PDS5A: variants seen among roughly 807,000 people sequenced by gnomAD.
PDS5A encodes the protein sister chromatid cohesion protein PDS5 homolog A.
In PDS5A, 42 loss-of-function variants were observed where a neutral mutation model predicts 167.1. The ratio of observed to expected loss-of-function variants is 0.25; its 90% CI spans 0.20 to 0.33. The LOEUF is 0.33. Ranked by LOEUF, PDS5A falls within the 10% of genes least tolerant of loss-of-function variation. PDS5A has a pLI of 1.00. For missense variants in PDS5A, 1,033 were observed against 1,605.9 expected (o/e 0.64, Z 6.10); for synonymous variants, 553 against 554.6 (o/e 1.00, Z 0.04).
intron 14 of PDS5A, 97 bp from the exon 15 acceptor site, chr4:39,898,922 C>T (rs1054750678): frequency 2.9e-5 from 22 of 763,670 alleles, no homozygotes; most frequent in African/African-American, 5.3e-5. Flanking sequence ...TTTTTCATGA[C>T]GTTAAAAAAT....
chr4:39,903,948 T>C (rs1433389324), intron 12 of PDS5A, 92 bp downstream of exon 12: 6 of 640,546 alleles, frequency 9.4e-6, no homozygotes, highest in Non-Finnish European at 1.4e-5. Flanking sequence ...AGTAAATACA[T>C]AAAAATAAGA....
In PDS5A at chr4:39,930,983, A is replaced by G. The variant is rs553327130; in HGVS notation, c.139-2819T>C. On this transcript the variant is annotated intron_variant, in intron 2 of 32. Coordinates refer to ENST00000303538, the MANE Select transcript of PDS5A (RefSeq NM_001100399.2). ...CCATCTTGAGAAATTAGATAAATCC[A>G]AAGAAACTAGAATCAGGGTTTGTGA... is the stretch of plus-strand genomic sequence containing the variant. Among the ~76,000 whole-genome samples the G allele has an allele frequency of 1.8e-4, 27 of 152,344 alleles. No homozygotes were observed. In the East Asian group the frequency reaches 4.4e-3, roughly 25 times the overall value.
At chr4:39,964,736 C>T (rs1293038166) in intron 2 of PDS5A, among the ~76,000 whole-genome samples, 1 of 151,342 alleles carries the variant, frequency 6.6e-6, no homozygotes, top group Non-Finnish European at 1.5e-5. Context: ...GTGGCTCACA[C>T]CTATAATCCC....
chr4:39,879,870 T>A, intron 17 of PDS5A, 37 bp from the exon 18 acceptor site: 2 of 1,091,240 alleles, frequency 1.8e-6, no homozygotes, highest in Non-Finnish European at 2.8e-6. Context: ...GTAACCACTG[T>A]AGTAGTAACT....
At chr4:39,878,352 T>G (rs1056920836) in intron 18 of PDS5A, among the ~76,000 whole-genome samples, 1 of 152,040 alleles carries the variant, frequency 6.6e-6, no homozygotes, top group Non-Finnish European at 1.5e-5. Context: ...TCCCAGCACT[T>G]TGGGAGGCCG....
chr4:39,953,134 CTGGTTTAGAGGTCTTGGTTTCT>C (rs1252816607), intron 2 of PDS5A, among the ~76,000 whole-genome samples: 1 of 152,162 alleles, frequency 6.6e-6, no homozygotes, highest in Non-Finnish European at 1.5e-5. Flanking sequence ...GCTTGGTCAG[CTGGTTTAGAGGTCTTGGTTTCT>C]TGGTTTAGAG....
At chr4:39,920,208 G>A in intron 7 of PDS5A, 111 bp downstream of exon 7, 1 of 484,438 alleles carries the variant, frequency 2.1e-6, no homozygotes, top group Non-Finnish European at 3.7e-6. Flanking sequence ...CTGGACATAA[G>A]TTATTTTATA....
At chr4:39,953,402 C>T (rs1449105037) in intron 2 of PDS5A, among the ~76,000 whole-genome samples, 1 of 151,480 alleles carries the variant, frequency 6.6e-6, no homozygotes, top group African/African-American at 2.4e-5. Flanking sequence ...GTTTTTCAAA[C>T]CATCAATGGT....
chr4:39,971,980 G>A (rs1225472401), intron 2 of PDS5A, among the ~76,000 whole-genome samples: 1 of 152,186 alleles, frequency 6.6e-6, no homozygotes, highest in Non-Finnish European at 1.5e-5. Context: ...AAGGAAGGCA[G>A]AAGAAATACA....
intron 12 of PDS5A, among the ~76,000 whole-genome samples, chr4:39,903,124 C>T (rs903890626): frequency 6.6e-6 from 1 of 152,192 alleles, no homozygotes; most frequent in Non-Finnish European, 1.5e-5. Flanking sequence ...AGCTATGATC[C>T]GCGGTAGAGC....
At chr4:39,943,406 A>T (rs531521379) in intron 2 of PDS5A, among the ~76,000 whole-genome samples, 6 of 152,226 alleles carry the variant, frequency 3.9e-5, no homozygotes, top group African/African-American at 1.4e-4. Flanking sequence ...TTATTATTTC[A>T]TACCTAAATT....
intron 5 of PDS5A, among the ~76,000 whole-genome samples, chr4:39,923,717 T>TG (rs1725223342): frequency 1.3e-5 from 2 of 151,252 alleles, no homozygotes; most frequent in African/African-American, 4.9e-5. Context: ...ATGCCCCAGA[T>TG]TTTTAAAGGT....
chr4:39,947,245 A>G (rs928106951), intron 2 of PDS5A, among the ~76,000 whole-genome samples: 19 of 152,132 alleles, frequency 1.2e-4, no homozygotes, highest in Non-Finnish European at 2.9e-5. Context: ...CTTGAGGTCA[A>G]GAGCTCAAGA....
intron 16 of PDS5A, among the ~76,000 whole-genome samples, chr4:39,895,119 C>T (rs896944894): frequency 2.1e-5 from 3 of 140,648 alleles, no homozygotes; most frequent in South Asian, 2.3e-4. Context: ...CCCAGCTACT[C>T]GGGAGGCTGA....
At chr4:39,849,465 G>C in intron 27 of PDS5A, 55 bp downstream of exon 27, 1 of 1,097,238 alleles carries the variant, frequency 9.1e-7, no homozygotes, top group Non-Finnish European at 1.3e-6. Flanking sequence ...AACCAAGTGG[G>C]ACAATATATT....
At chr4:39,919,837 T>C (rs1366484207) in intron 7 of PDS5A, among the ~76,000 whole-genome samples, 1 of 151,798 alleles carries the variant, frequency 6.6e-6, no homozygotes, top group East Asian at 1.9e-4. Context: ...GTAGCAACTA[T>C]CACAATCTTT....
chr4:39,904,628 A>G (rs1723166217), intron 11 of PDS5A, among the ~76,000 whole-genome samples: 1 of 152,114 alleles, frequency 6.6e-6, no homozygotes, highest in South Asian at 2.1e-4. Context: ...CACCGCGCCC[A>G]GCCTACAAAC....
chr4:39,950,735 A>G (rs1728270845), intron 2 of PDS5A, among the ~76,000 whole-genome samples: 1 of 151,482 alleles, frequency 6.6e-6, no homozygotes. Context: ...CTACAGGTCT[A>G]CGCTACCACA....
intron 21 of PDS5A, 53 bp downstream of exon 21, chr4:39,872,916 GTGTTTCTGTGATGAAGA>G: frequency 1.4e-6 from 1 of 719,816 alleles, no homozygotes. Flanking sequence ...AGAAACAGAA[GTGTTTCTGTGATGAAGA>G]TGTAAACAGC....
Sources: gnomAD v4.1 joint callset for allele counts (sites outside exome capture counted in the v4.1 genomes callset) on GRCh38, gnomAD v4.1.1 for gene constraint, MANE v1.5 for transcripts, NCBI Gene and HGNC (gene_info 2026-07-23, HGNC 2026-07-21) for gene names.